AHI1: variants seen among roughly 807,000 people sequenced by gnomAD.
The protein encoded by AHI1 is jouberin.
A neutral mutation model predicts 149.3 loss-of-function variants in AHI1; 123 were observed. The observed-to-expected ratio is 0.82, with a 90% confidence interval of 0.71 to 0.96. The LOEUF is 0.96. AHI1 is among the 40% of genes least tolerant of loss of function. The probability of loss-of-function intolerance (pLI) is 0.00; values close to 1 mark genes in which losing one functional copy is unlikely to be tolerated. For synonymous variants in AHI1, 475 were observed against 459.8 expected (o/e 1.03, Z -0.42); for missense variants, 1,439 against 1,422.7 (o/e 1.01, Z -0.18).
chr6:135,336,643 T>G (rs1789434741), intron 24 of AHI1, among the ~76,000 whole-genome samples: 1 of 152,180 alleles, frequency 6.6e-6, no homozygotes, highest in African/African-American at 2.4e-5. Context: ...TTCTTAAACA[T>G]CTCATTTAGA....
intron 5 of AHI1, among the ~76,000 whole-genome samples, chr6:135,483,135 T>C (rs1324992791): frequency 2.0e-5 from 3 of 151,640 alleles, no homozygotes; most frequent in African/African-American, 7.3e-5. Flanking sequence ...CCTGACTTCG[T>C]GATCAGCCCA....
Position 135,290,406 on chromosome 6 carries a change from A to T in AHI1, c.3588+17T>A. On this transcript the variant is annotated intron_variant, in intron 28 of 28. Transcript: ENST00000265602. Reference sequence around the variant, plus strand: ...TGTTGACAACATAGCGCAACTTTCTATTGGTTTTCCCCTTACCTCTATTAG... The same window carrying T: ...TGTTGACAACATAGCGCAACTTTCTTTTGGTTTTCCCCTTACCTCTATTAG... 7.1e-7 allele frequency: 1 copy of T among 1,411,556 alleles called. No homozygotes were observed. 87.4% of individuals were successfully genotyped at this position (1,411,556 alleles called of 1,614,324 possible). A position where few individuals can be genotyped will look rare whatever the true frequency, so the allele number is the denominator to read the frequency against.
chr6:135,290,454 T>C lies in AHI1; in HGVS notation c.3557A>G (p.Lys1186Arg), dbSNP rs1419039017. 3.1e-6 allele frequency: 5 copies of C among 1,612,442 alleles called. No homozygotes were observed. The highest frequency in any genetic ancestry group is 1.7e-6 in the Non-Finnish European group (2 of 1,178,450). Reference sequence around the variant, plus strand: ...TAGAGTGACTTTTCTGCCTGCTTGCTTGTTCTTCCTCATCCGTGTATCCAT... The same window carrying C: ...TAGAGTGACTTTTCTGCCTGCTTGCCTGTTCTTCCTCATCCGTGTATCCAT... ...HIMDTRMRKN[K>R]QAGRKVTLIE Residue 1186 changes from lysine to arginine, a missense_variant, in exon 28 of 29, where the codon AAG becomes AGG. Lys to Arg is a conservative substitution (Grantham distance 26, BLOSUM62 2). Transcript: ENST00000265602.
intron 11 of AHI1, among the ~76,000 whole-genome samples, chr6:135,450,579 C>T (rs1787938642): frequency 6.6e-6 from 1 of 152,140 alleles, no homozygotes. Flanking sequence ...CATAAGCACT[C>T]GAGACTCCCT....
chr6:135,351,798 A>C (rs1391050145), intron 24 of AHI1, among the ~76,000 whole-genome samples: 1 of 152,194 alleles, frequency 6.6e-6, no homozygotes, highest in African/African-American at 2.4e-5. Context: ...GAATAGGTGG[A>C]ATAGAAGGTG....
Position 135,465,897 on chromosome 6 carries a change from A to C in AHI1, c.666T>G (p.Asp222Glu), listed in dbSNP as rs777878487. The C allele has an allele frequency of 5.0e-6, 8 of 1,585,500 alleles. No individual in the cohort carries two copies. Among genetic ancestry groups the C allele is most frequent in the Non-Finnish European group, 6.9e-6 (8 of 1,167,854 alleles). The change falls in exon 7 of 29, where the codon GAT becomes GAG. Residue 222 changes from aspartate (D) to glutamate (E), a missense_variant. Coordinates refer to ENST00000265602, the MANE Select transcript of AHI1 (RefSeq NM_001134831.2). Reference protein sequence around the residue: ...LKEQLTYFPSDTLFHDDKLSS... With the variant: ...LKEQLTYFPSETLFHDDKLSS... ...TTAGTTTGTCATCATGGAATAAAGTATCTGAGGGAAAGTAAGTCAACTGTT... is the reference window on the plus strand; with the variant it reads ...TTAGTTTGTCATCATGGAATAAAGTCTCTGAGGGAAAGTAAGTCAACTGTT...
intron 22 of AHI1, among the ~76,000 whole-genome samples, chr6:135,397,003 T>A (rs1375771233): frequency 2.0e-5 from 3 of 151,892 alleles, no homozygotes; most frequent in African/African-American, 7.2e-5. Flanking sequence ...CAACAAAATT[T>A]TTTTTTAAAA....
At chr6:135,419,730 G>A (rs1489172829) in intron 20 of AHI1, among the ~76,000 whole-genome samples, 1 of 152,090 alleles carries the variant, frequency 6.6e-6, no homozygotes, top group Non-Finnish European at 1.5e-5. Flanking sequence ...TAAATGGGGT[G>A]GTTGCTGAAG....
intron 5 of AHI1, among the ~76,000 whole-genome samples, chr6:135,478,594 T>A (rs187641263): frequency 1.2e-4 from 19 of 152,320 alleles, no homozygotes; most frequent in African/African-American, 4.3e-4. Context: ...CAGGAATTTA[T>A]ATTTAAAAGG....
chr6:135,453,686 A>C (rs372920242), intron 10 of AHI1, among the ~76,000 whole-genome samples: 2 of 152,150 alleles, frequency 1.3e-5, no homozygotes, highest in East Asian at 3.8e-4. Flanking sequence ...CAAAGTGTTA[A>C]TCACCTCAAA....
intron 5 of AHI1, among the ~76,000 whole-genome samples, chr6:135,480,065 CTCTT>C (rs1276962482): frequency 1.3e-5 from 2 of 152,198 alleles, no homozygotes; most frequent in Non-Finnish European, 2.9e-5. Context: ...GTGACTAAAT[CTCTT>C]TTTTTCATAA....
At chr6:135,372,139 A>C (rs548147269) in intron 23 of AHI1, among the ~76,000 whole-genome samples, 3 of 152,266 alleles carry the variant, frequency 2.0e-5, no homozygotes, top group Non-Finnish European at 2.9e-5. Flanking sequence ...TTGAGAAGAG[A>C]GCCTTACTCC....
At chr6:135,321,274 A>G (rs1190994858) in intron 25 of AHI1, among the ~76,000 whole-genome samples, 4 of 152,188 alleles carry the variant, frequency 2.6e-5, no homozygotes, top group African/African-American at 9.7e-5. Flanking sequence ...GAAAAAAAAG[A>G]AAGAAAGAAA....
At chr6:135,334,271 G>T (rs1789038428) in intron 24 of AHI1, among the ~76,000 whole-genome samples, 1 of 152,132 alleles carries the variant, frequency 6.6e-6, no homozygotes, top group Non-Finnish European at 1.5e-5. Context: ...CCTTTGGGAG[G>T]TGATTAGGTC....
At chr6:135,305,445 G>A (rs1784430237) in intron 26 of AHI1, among the ~76,000 whole-genome samples, 1 of 152,184 alleles carries the variant, frequency 6.6e-6, no homozygotes, top group Admixed American at 6.5e-5. Context: ...TGTCTGCAAG[G>A]TATCTGCAAT....
chr6:135,346,008 A>T (rs1452521463), intron 24 of AHI1, among the ~76,000 whole-genome samples: 1 of 152,204 alleles, frequency 6.6e-6, no homozygotes, highest in Non-Finnish European at 1.5e-5. Flanking sequence ...GTGGAAATAT[A>T]ATCAAAGGAG....
intron 23 of AHI1, among the ~76,000 whole-genome samples, chr6:135,360,261 T>C (rs570326696): frequency 6.6e-6 from 1 of 152,218 alleles, no homozygotes; most frequent in Admixed American, 6.5e-5. Context: ...AGCTAGGCCA[T>C]GGTACCCAGA....
intron 18 of AHI1, among the ~76,000 whole-genome samples, chr6:135,429,275 G>GA (rs1179129548): frequency 2.0e-5 from 3 of 151,290 alleles, no homozygotes; most frequent in African/African-American, 7.3e-5. Flanking sequence ...TTTCACTCAC[G>GA]AAAAAATAGT....
intron 27 of AHI1, among the ~76,000 whole-genome samples, chr6:135,299,593 G>A (rs1421851563): frequency 1.3e-5 from 2 of 152,150 alleles, no homozygotes; most frequent in African/African-American, 4.8e-5. Context: ...AGGTCCAAAA[G>A]ATAACTGAAA....
Sources: allele counts gnomAD v4.1 joint callset (sites outside exome capture counted in the v4.1 genomes callset), GRCh38; gene constraint gnomAD v4.1.1; transcripts MANE v1.5; gene names NCBI Gene and HGNC (gene_info 2026-07-23, HGNC 2026-07-21).